The following GNB1L variants were observed in gnomAD, a reference collection of about 807,000 sequenced individuals.
The protein encoded by GNB1L is G protein subunit beta 1 like.
GNB1L carries 20 observed loss-of-function variants against 29.1 expected under a neutral mutation model. The observed-to-expected ratio is 0.69, with a 90% CI of 0.48 to 1.00. The LOEUF (loss-of-function observed/expected upper bound fraction) is 1.00. Among genes scored for constraint, GNB1L ranks in the 50% least tolerant of loss-of-function variants. The pLI, the probability that GNB1L is intolerant of heterozygous loss-of-function variation, is 0.00. For synonymous variants in GNB1L, 193 were observed against 206.5 expected, an observed-to-expected ratio of 0.93 and a Z score of 0.56; for missense variants, 421 against 464.9, an observed-to-expected ratio of 0.91 and a Z score of 0.87.
chr22:19,825,962 AAAAATCAAAATC>A (rs1307716462), intron 2 of GNB1L, among the ~76,000 whole-genome samples: 3 of 152,234 alleles, frequency 2.0e-5, no homozygotes, highest in Admixed American at 2.0e-4. Flanking sequence ...TGTCTCTGAA[AAAAATCAAAATC>A]AAAATCAAAA....
At chr22:19,808,933 G>A (rs1937466968) in intron 5 of GNB1L, among the ~76,000 whole-genome samples, 1 of 152,064 alleles carries the variant, frequency 6.6e-6, no homozygotes, top group Admixed American at 6.6e-5. Flanking sequence ...TGTGGGGAGG[G>A]TCTGGGAGGG....
intron 7 of GNB1L, among the ~76,000 whole-genome samples, chr22:19,798,555 C>T (rs780366584): frequency 1.3e-5 from 2 of 152,144 alleles, no homozygotes; most frequent in Non-Finnish European, 1.5e-5. Context: ...GGGAGGTTTC[C>T]GTAGAAGTCC....
chr22:19,820,694 C>T lies in GNB1L; in HGVS notation c.158G>A (p.Ser53Asn). The T allele has an allele frequency of 6.2e-7, 1 of 1,613,592 alleles. No individual in the cohort carries two copies. Among genetic ancestry groups the T allele is most frequent in the African/African-American group, 1.3e-5 (1 of 75,058 alleles). Residue 53 changes from serine to asparagine, a missense_variant, in exon 4 of 8, where the codon AGC becomes AAC. By Grantham distance (46) the Ser-to-Asn change is conservative. Coordinates refer to ENST00000329517, the MANE Select transcript of GNB1L (RefSeq NM_053004.3). The part of the protein sequence containing the change: ...GSQSGLVHIW[S>N]LQTRRAVTTL... ...GGTAACCGCTCTCCGCGTCTGCAGGCTCCAGATGTGTACCAGGCCACTCTG... is the reference window on the plus strand; with the variant it reads ...GGTAACCGCTCTCCGCGTCTGCAGGTTCCAGATGTGTACCAGGCCACTCTG...
chr22:19,789,071 G>T, intron 7 of GNB1L, 111 bp from the exon 8 acceptor site: 1 of 1,168,898 alleles, frequency 8.6e-7, no homozygotes, highest in Non-Finnish European at 1.2e-6. Context: ...CACAGGCCCG[G>T]GATGTGAGGG....
chr22:19,841,578 G>A (rs1219701995), intron 2 of GNB1L, among the ~76,000 whole-genome samples: 1 of 152,124 alleles, frequency 6.6e-6, no homozygotes, highest in African/African-American at 2.4e-5. Context: ...GGAGGTTAAG[G>A]CTGCAGTGAG....
In GNB1L at chr22:19,816,199, A is replaced by C. The variant is rs1419593814; in HGVS notation, c.255-3752T>G. ...CTTTGCACTCCTTCCTTCCCTGGGG[A>C]CGAGGCCCAGGCCCATATTCCTCAG... On this transcript the variant is annotated intron_variant, in intron 4 of 7. Transcript: ENST00000329517. This position sits in a 1 kb window ranked among gnomAD's most constrained non-coding sequence, Gnocchi z 4.4. 1.3e-5 allele frequency among the ~76,000 whole-genome samples: 2 copies of C among 152,018 alleles called. No homozygotes were observed. Among genetic ancestry groups the C allele is most frequent in the Non-Finnish European group, 2.9e-5 (2 of 67,982 alleles).
chr22:19,795,237 G>A (rs1463798799), intron 7 of GNB1L, among the ~76,000 whole-genome samples: 1 of 152,074 alleles, frequency 6.6e-6, no homozygotes, highest in Non-Finnish European at 1.5e-5. Flanking sequence ...CACCCACACT[G>A]AGCCCCAGAG....
chr22:19,823,808 C>T lies in GNB1L; in HGVS notation c.-20-2433G>A, dbSNP rs142666084. On this transcript the variant is annotated intron_variant, in intron 2 of 7. Transcript: ENST00000329517. ...GTTCACACACCCATATGTGCACACA[C>T]ACACATGCACACACACAGGCACACA... Among the ~76,000 whole-genome samples, 77 of 152,304 alleles carry T rather than the reference C, an allele frequency of 5.1e-4. 1 individual carries two copies. The highest frequency in any genetic ancestry group is 1.8e-3 in the African/African-American group (73 of 41,558).
At chr22:19,813,262 G>A (rs915623237) in intron 4 of GNB1L, among the ~76,000 whole-genome samples, 1 of 152,162 alleles carries the variant, frequency 6.6e-6, no homozygotes. Context: ...CCCAAGTCTT[G>A]GTTTCTTATG....
chr22:19,851,855 ATGT>A lies in GNB1L; in HGVS notation c.-21+2585_-21+2587del, dbSNP rs146317182. ...CCTGAGGATCTCGCAGACACGGCTG[ATGT>A]TGTCCTGATAGTGCTCAAAGTGGAA... On this transcript the variant is annotated intron_variant, in intron 2 of 7. Coordinates refer to ENST00000329517, the MANE Select transcript of GNB1L (RefSeq NM_053004.3). 1.2e-4 allele frequency: 197 copies of A among 1,613,896 alleles called. No homozygotes were observed. In the African/African-American group the frequency reaches 2.3e-3, roughly 19 times the overall value.
At position 19,783,479 on chromosome 22, in the gene GNB1L, G is replaced by C. The variant is rs756991054; in HGVS notation, c.*5230C>G. 3.8e-6 allele frequency: 1 copy of C among 264,468 alleles called. No individual in the cohort carries two copies. Among genetic ancestry groups the C allele is most frequent in the Non-Finnish European group, 7.4e-6 (1 of 134,272 alleles). The allele number at this position is 264,468 out of a possible 1,614,324, so 16.4% of individuals were successfully genotyped here. A position where few individuals can be genotyped will look rare whatever the true frequency, so the allele number is the denominator to read the frequency against. ...GCAGGAGGATCACTTGAGCCTATTA[G>C]TTGGAGGCTGCAGTAAGCTATGATC... On this transcript the variant is annotated 3_prime_UTR_variant, in exon 8 of 8. Transcript: ENST00000329517.
intron 5 of GNB1L, 140 bp from the exon 6 acceptor site, chr22:19,806,897 G>C: frequency 2.8e-6 from 2 of 714,188 alleles, no homozygotes; most frequent in East Asian, 2.7e-5. Context: ...TGGGAGCCCA[G>C]GCTCCTAATT....
intron 4 of GNB1L, 69 bp from the exon 5 acceptor site, chr22:19,812,516 CG>C: frequency 7.0e-7 from 1 of 1,425,926 alleles, no homozygotes; most frequent in Non-Finnish European, 9.6e-7. Flanking sequence ...GCCCCTGCAG[CG>C]GAAGGAAGGC....
At chr22:19,832,274 G>A (rs1937693067) in intron 2 of GNB1L, among the ~76,000 whole-genome samples, 1 of 152,140 alleles carries the variant, frequency 6.6e-6, no homozygotes, top group Non-Finnish European at 1.5e-5. Context: ...AGGCTGCAGC[G>A]AGCTGTGATT....
chr22:19,823,392 C>T lies in GNB1L; in HGVS notation c.-20-2017G>A, dbSNP rs549530139. On this transcript the variant is annotated intron_variant, in intron 2 of 7. Transcript: ENST00000329517. ...AAGACTCCTGAAGACGCAGCCAGGCCGGGGGCTGGAACAGCTGCCCTCAGC... is the reference window on the plus strand; with the variant it reads ...AAGACTCCTGAAGACGCAGCCAGGCTGGGGGCTGGAACAGCTGCCCTCAGC... 3.9e-5 allele frequency among the ~76,000 whole-genome samples: 6 copies of T among 152,306 alleles called. No individual in the cohort carries two copies. In the South Asian group the frequency reaches 1.0e-3, roughly 26 times the overall value.
rs777629866 is a variant in GNB1L at position 19,820,747 on chromosome 22, G to T, written c.129-24C>A. The T allele has an allele frequency of 1.2e-5, 19 of 1,599,806 alleles. No individual in the cohort carries two copies. In the East Asian group the frequency reaches 1.6e-4, roughly 13 times the overall value. On this transcript the variant is annotated intron_variant, in intron 3 of 7. Coordinates refer to ENST00000329517, the MANE Select transcript of GNB1L (RefSeq NM_053004.3). Reference sequence around the variant, plus strand: ...ACCTGTTTCAGACAAGCCGAGCAGGGTGTCAGGGGGCAGAAGGGTGTGCTG... The same window carrying T: ...ACCTGTTTCAGACAAGCCGAGCAGGTTGTCAGGGGGCAGAAGGGTGTGCTG...
At chr22:19,818,314 G>A (rs1159783548) in intron 4 of GNB1L, among the ~76,000 whole-genome samples, 1 of 152,256 alleles carries the variant, frequency 6.6e-6, no homozygotes, top group African/African-American at 2.4e-5. Context: ...CATTGTGGCT[G>A]AAAACTCAGG....
At chr22:19,800,030 A>G (rs549403824) in intron 7 of GNB1L, among the ~76,000 whole-genome samples, 1 of 152,298 alleles carries the variant, frequency 6.6e-6, no homozygotes, top group African/African-American at 2.4e-5. Context: ...TTCGATGTGC[A>G]CCATGGGCCG....
rs1279674683 is a variant in GNB1L at position 19,813,271 on chromosome 22, T to C, written c.255-824A>G. Among the ~76,000 whole-genome samples, 5 of 152,168 alleles carry C rather than the reference T, an allele frequency of 3.3e-5. No homozygotes were observed. The East Asian group carries it at 9.6e-4, about 29-fold the overall frequency. ...ACCTAACCCAAGTCTTGGTTTCTTA[T>C]GCTGTTCTCCAAAAACAGGAACCAG... On this transcript the variant is annotated intron_variant, in intron 4 of 7. Coordinates refer to ENST00000329517, the MANE Select transcript of GNB1L (RefSeq NM_053004.3).
Sources: allele counts gnomAD v4.1 joint callset (sites outside exome capture counted in the v4.1 genomes callset), GRCh38; gene constraint gnomAD v4.1.1; non-coding constraint Gnocchi (gnomAD v3.1); transcripts MANE v1.5; gene names NCBI Gene and HGNC (gene_info 2026-07-23, HGNC 2026-07-21).